The following IDE variants were observed in gnomAD, a reference collection of about 807,000 sequenced individuals.
The protein encoded by IDE is insulin-degrading enzyme.
In IDE, 58 loss-of-function variants were observed where a neutral mutation model predicts 133.2. That is an observed-to-expected ratio of 0.44 (90% CI 0.35 to 0.54). The LOEUF is 0.54. IDE is among the 20% of genes least tolerant of loss of function. The pLI is 0.00. For synonymous variants in IDE, 396 were observed against 421.3 expected, an observed-to-expected ratio of 0.94 and a Z score of 0.73; for missense variants, 981 against 1,234.0, an observed-to-expected ratio of 0.79 and a Z score of 3.07.
In IDE at chr10:92,497,912, G is replaced by A. The variant is rs1002689628; in HGVS notation, c.1430+6882C>T. 2.6e-4 allele frequency among the ~76,000 whole-genome samples: 39 copies of A among 152,204 alleles called. 1 individual carries two copies. Among genetic ancestry groups the A allele is most frequent in the Admixed American group, 2.4e-3 (37 of 15,282 alleles). On this transcript the variant is annotated intron_variant, in intron 11 of 24. Coordinates refer to ENST00000265986, the MANE Select transcript of IDE (RefSeq NM_004969.4). ...TATGCTCCAGCAAATGCACTCCTAC[G>A]AAGTGTTGCTGGGTCAATTACTGGC...
chr10:92,461,510 C>T (rs1349701339), intron 21 of IDE, among the ~76,000 whole-genome samples: 1 of 151,726 alleles, frequency 6.6e-6, no homozygotes, highest in African/African-American at 2.4e-5. Flanking sequence ...CACAAGCCAA[C>T]ACGTCTGGGT....
chr10:92,527,634 T>C (rs1286140675), intron 4 of IDE, among the ~76,000 whole-genome samples: 3 of 152,242 alleles, frequency 2.0e-5, no homozygotes, highest in African/African-American at 2.4e-5. Flanking sequence ...AACTCTTTCA[T>C]TGGATTTATT....
intron 11 of IDE, among the ~76,000 whole-genome samples, chr10:92,500,221 C>T (rs556993142): frequency 1.3e-4 from 20 of 151,168 alleles, no homozygotes; most frequent in Non-Finnish European, 2.7e-4. Context: ...CGCTTAAACT[C>T]GGGAGATGGA....
chr10:92,503,479 C>A (rs924840985), intron 11 of IDE, among the ~76,000 whole-genome samples: 1 of 152,120 alleles, frequency 6.6e-6, no homozygotes, highest in Non-Finnish European at 1.5e-5. Flanking sequence ...CAGGTAAAAT[C>A]TGGCTAATAG....
intron 1 of IDE, among the ~76,000 whole-genome samples, chr10:92,565,259 A>AG (rs1843481230): frequency 1.3e-5 from 2 of 150,468 alleles, no homozygotes; most frequent in African/African-American, 2.4e-5. Flanking sequence ...AAAAAAAAAA[A>AG]AAAGAAAAAA....
intron 12 of IDE, among the ~76,000 whole-genome samples, chr10:92,489,410 C>T (rs888052464): frequency 6.6e-6 from 1 of 151,852 alleles, no homozygotes; most frequent in Non-Finnish European, 1.5e-5. Context: ...ATTAGCTGGG[C>T]GTGGTGGCAT....
chr10:92,572,913 C>T, intron 1 of IDE: 2 of 985,336 alleles, frequency 2.0e-6, no homozygotes, highest in Non-Finnish European at 2.4e-6. Flanking sequence ...ATCAACACAC[C>T]CTTGTAGCTA....
chr10:92,565,548 C>T (rs1564686265), intron 1 of IDE, among the ~76,000 whole-genome samples: 1 of 152,166 alleles, frequency 6.6e-6, no homozygotes, highest in Non-Finnish European at 1.5e-5. Flanking sequence ...TAACTCCCAA[C>T]CTCTCCAACT....
chr10:92,556,469 G>A (rs958772283), intron 1 of IDE, among the ~76,000 whole-genome samples: 9 of 150,532 alleles, frequency 6.0e-5, no homozygotes, highest in East Asian at 2.0e-4. Context: ...CAAAAAATAC[G>A]AAAATCAGGC....
Position 92,510,766 on chromosome 10 carries a change from G to GAT in IDE, c.785-606_785-605dup, listed in dbSNP as rs1283751813. ...TATAGCACATACATCTCACATATAT[G>GAT]ATATATAGCACATACATCTCACATG... On this transcript the variant is annotated intron_variant, in intron 5 of 24. Coordinates refer to ENST00000265986, the MANE Select transcript of IDE (RefSeq NM_004969.4). 1.3e-4 allele frequency among the ~76,000 whole-genome samples: 15 copies of GAT among 111,310 alleles called. 1 individual carries two copies. Among genetic ancestry groups the GAT allele is most frequent in the Non-Finnish European group, 2.3e-4 (13 of 56,152 alleles). The allele number at this position is 111,310 out of a possible 152,430, so 73.0% of individuals were successfully genotyped here.
chr10:92,479,174 A>T, intron 15 of IDE, 103 bp downstream of exon 15: 1 of 809,294 alleles, frequency 1.2e-6, no homozygotes, highest in Non-Finnish European at 1.9e-6. Context: ...ATAAAGATTA[A>T]AAAAAAAAGA....
In IDE at chr10:92,506,482, C is replaced by T. The variant is rs770919134; in HGVS notation, c.1286G>A (p.Arg429Lys). Reference sequence around the variant, plus strand: ...AATCTTAGATGTATAGCCCCGTGGCCTCTCTTTGTCTTTAAACCTAAAAGC... The same window carrying T: ...AATCTTAGATGTATAGCCCCGTGGCTTCTCTTTGTCTTTAAACCTAAAAGC... The part of the protein sequence containing the change: ...AVAFRFKDKE[R>K]PRGYTSKIAG... The change falls in exon 10 of 25, where the codon AGG becomes AAG. Residue 429 changes from arginine (R) to lysine (K), a missense_variant. Transcript: ENST00000265986. 7 of 1,597,444 alleles carry T rather than the reference C, an allele frequency of 4.4e-6. No homozygotes were observed. The East Asian group carries it at 1.6e-4, about 36-fold the overall frequency.
chr10:92,557,017 G>A (rs1006114318), intron 1 of IDE, among the ~76,000 whole-genome samples: 10 of 151,770 alleles, frequency 6.6e-5, no homozygotes, highest in African/African-American at 2.4e-4. Flanking sequence ...TGGATGGGAA[G>A]ACAGTATTTT....
rs780598235 is a variant in IDE, at chr10:92,537,500, A to G, written c.149T>C (p.Ile50Thr). The G allele has an allele frequency of 3.4e-5, 55 of 1,613,078 alleles. No homozygotes were observed. The East Asian group carries it at 1.0e-3, about 30-fold the overall frequency. Residue 50 changes from isoleucine to threonine, a missense_variant, in exon 2 of 25, where the codon ATA becomes ACA. By Grantham distance (89) the Ile-to-Thr change is moderately conservative. Coordinates refer to ENST00000265986, the MANE Select transcript of IDE (RefSeq NM_004969.4). The stretch of plus-strand genomic sequence containing the variant: ...AGGAGACTTGGTAATGTGATTTCCT[A>G]TTCTCTTGATGGCTGGATTATTCAT... The part of the protein sequence containing the change: ...SKMNNPAIKR[I>T]GNHITKSPED...
At chr10:92,522,758 T>A (rs1849299576) in intron 4 of IDE, among the ~76,000 whole-genome samples, 1 of 152,214 alleles carries the variant, frequency 6.6e-6, no homozygotes, top group Non-Finnish European at 1.5e-5. Context: ...TAAGTCTTAA[T>A]CTACTCATGT....
At chr10:92,509,146 T>G (rs1307844109) in intron 6 of IDE, among the ~76,000 whole-genome samples, 2 of 152,208 alleles carry the variant, frequency 1.3e-5, no homozygotes, top group East Asian at 3.8e-4. Flanking sequence ...AATGCTTATC[T>G]TCAGGTACAG....
intron 4 of IDE, among the ~76,000 whole-genome samples, chr10:92,516,185 CAA>C (rs759416042): frequency 4.0e-5 from 5 of 125,438 alleles, no homozygotes; most frequent in Non-Finnish European, 3.4e-5. Flanking sequence ...AACTCCGTCT[CAA>C]AAAAAAAAAA....
intron 5 of IDE, among the ~76,000 whole-genome samples, chr10:92,510,619 A>G (rs575085096): frequency 1.3e-5 from 2 of 151,732 alleles, no homozygotes; most frequent in Admixed American, 6.6e-5. Context: ...CACATTTTAT[A>G]TGTGTGTGTG....
chr10:92,481,327 A>G (rs1408393782), intron 14 of IDE, among the ~76,000 whole-genome samples: 3 of 152,172 alleles, frequency 2.0e-5, no homozygotes, highest in Admixed American at 6.5e-5. Context: ...CTGTAGTCCC[A>G]GCTACTCAGG....
Sources: allele counts gnomAD v4.1 joint callset (sites outside exome capture counted in the v4.1 genomes callset), GRCh38; gene constraint gnomAD v4.1.1; transcripts MANE v1.5; gene names NCBI Gene and HGNC (gene_info 2026-07-23, HGNC 2026-07-21).